The following RHOQ variants were observed in gnomAD, a reference collection of about 807,000 sequenced individuals.
The protein encoded by RHOQ is ras homolog family member Q.
Under a neutral mutation model 25.8 loss-of-function variants are expected in RHOQ, and 7 were observed. The ratio of observed to expected loss-of-function variants is 0.27; its 90% CI spans 0.15 to 0.51. RHOQ has a LOEUF of 0.51. Ranked by LOEUF, RHOQ falls within the 20% of genes least tolerant of loss-of-function variation. RHOQ has a pLI of 0.97. For missense variants in RHOQ, 165 were observed against 260.6 expected (o/e 0.63, Z 2.53); for synonymous variants, 97 against 98.6 (o/e 0.98, Z 0.10).
chr2:46,571,711 T>C (rs1275824302), intron 2 of RHOQ, among the ~76,000 whole-genome samples: 1 of 152,260 alleles, frequency 6.6e-6, no homozygotes, highest in Non-Finnish European at 1.5e-5. Context: ...CAGAGGGCTA[T>C]AGTCTCAATA....
intron 2 of RHOQ, among the ~76,000 whole-genome samples, chr2:46,553,651 G>A (rs1668313009): frequency 6.6e-6 from 1 of 151,996 alleles, no homozygotes; most frequent in Non-Finnish European, 1.5e-5. Flanking sequence ...CACGGTCTTG[G>A]CTCACTCAAC....
rs1431619851 is a variant in RHOQ, at chr2:46,581,702, T to A, written c.*619T>A. 33 of 1,434,120 alleles carry A rather than the reference T, an allele frequency of 2.3e-5. No individual in the cohort carries two copies. The highest frequency in any genetic ancestry group is 2.8e-5 in the Non-Finnish European group (30 of 1,073,760). The allele number at this position is 1,434,120 out of a possible 1,614,324, so 88.8% of individuals were successfully genotyped here. A position where few individuals can be genotyped will look rare whatever the true frequency, so the allele number is the denominator to read the frequency against. On this transcript the variant is annotated 3_prime_UTR_variant, in exon 5 of 5. Coordinates refer to ENST00000238738, the MANE Select transcript of RHOQ (RefSeq NM_012249.4). The stretch of plus-strand genomic sequence containing the variant: ...AAGCTTAATGTGCTTTCTTAAAGAA[T>A]GCCAAAAGTGTAATAAGGTCATAAC...
At chr2:46,562,981 G>C (rs931277644) in intron 2 of RHOQ, among the ~76,000 whole-genome samples, 1 of 152,220 alleles carries the variant, frequency 6.6e-6, no homozygotes, top group Non-Finnish European at 1.5e-5. Flanking sequence ...TTAGCAGCCA[G>C]CACATGTGTT....
intron 2 of RHOQ, among the ~76,000 whole-genome samples, chr2:46,567,398 T>C (rs1385253316): frequency 3.3e-5 from 5 of 151,888 alleles, no homozygotes; most frequent in Non-Finnish European, 7.4e-5. Context: ...TTTTCTTCTT[T>C]TTTTTTTTTC....
chr2:46,572,757 T>C (rs1344748822), intron 2 of RHOQ: 4 of 454,172 alleles, frequency 8.8e-6, no homozygotes, highest in Middle Eastern at 3.3e-4. Context: ...CTGTGAGAAG[T>C]TGTGACTTTG....
At chr2:46,575,444 A>G (rs1010889750) in intron 2 of RHOQ, among the ~76,000 whole-genome samples, 1 of 122,142 alleles carries the variant, frequency 8.2e-6, no homozygotes, top group Non-Finnish European at 1.9e-5. Flanking sequence ...CACACACACA[A>G]TTAATAAAAC....
chr2:46,561,102 A>ATG (rs3053626), intron 2 of RHOQ, among the ~76,000 whole-genome samples: 8,103 of 150,922 alleles, frequency 0.054, 292 homozygotes, highest in Middle Eastern at 0.11. Context: ...ATATACAGGT[A>ATG]TGTGTGTGTG....
At chr2:46,575,885 CA>C (rs1157349506) in intron 2 of RHOQ, among the ~76,000 whole-genome samples, 1 of 152,036 alleles carries the variant, frequency 6.6e-6, no homozygotes, top group African/African-American at 2.4e-5. Flanking sequence ...ATGATATTGT[CA>C]TTTTTTTTTA....
At position 46,548,851 on chromosome 2, in the gene RHOQ, T is replaced by C. The variant is rs1246545058; in HGVS notation, c.201+5039T>C. Among the ~76,000 whole-genome samples the C allele has an allele frequency of 6.6e-6, 1 of 152,244 alleles. No homozygotes were observed. The highest frequency in any genetic ancestry group is 1.5e-5 in the Non-Finnish European group (1 of 68,038). ...TCACACGGGAATGCTGGTTTCCTCCTCTGCGTTGGGAAGGTGGATAGCCTT... is the reference window on the plus strand; with the variant it reads ...TCACACGGGAATGCTGGTTTCCTCCCCTGCGTTGGGAAGGTGGATAGCCTT... On this transcript the variant is annotated intron_variant, in intron 2 of 4. Transcript: ENST00000238738. This position sits in a 1 kb window ranked among gnomAD's most constrained non-coding sequence, Gnocchi z 5.2.
At chr2:46,575,330 G>A (rs1300613921) in intron 2 of RHOQ, among the ~76,000 whole-genome samples, 1 of 151,838 alleles carries the variant, frequency 6.6e-6, no homozygotes, top group African/African-American at 2.4e-5. Flanking sequence ...ATATTAAGTA[G>A]AGGGAATGAA....
chr2:46,554,200 T>G (rs1233621470), intron 2 of RHOQ, among the ~76,000 whole-genome samples: 1 of 152,114 alleles, frequency 6.6e-6, no homozygotes, highest in Non-Finnish European at 1.5e-5. Flanking sequence ...TTCTAGTTCT[T>G]TACACATGGT....
chr2:46,559,555 T>TG (rs879476802), intron 2 of RHOQ, among the ~76,000 whole-genome samples: 2 of 152,098 alleles, frequency 1.3e-5, no homozygotes, highest in Non-Finnish European at 2.9e-5. Flanking sequence ...TTGTTTGTTG[T>TG]GGGGGGGCTG....
chr2:46,543,509 G>A (rs1667916336), intron 1 of RHOQ: 1 of 601,810 alleles, frequency 1.7e-6, no homozygotes, highest in Non-Finnish European at 3.0e-6. Context: ...TATTCGAGGG[G>A]ACCGAGCGAG....
chr2:46,554,950 C>A (rs1471352183), intron 2 of RHOQ, among the ~76,000 whole-genome samples: 1 of 152,148 alleles, frequency 6.6e-6, no homozygotes, highest in East Asian at 1.9e-4. Flanking sequence ...ATTAAAATTC[C>A]ATTTAATCCA....
At chr2:46,572,264 A>G (rs1388955896) in intron 2 of RHOQ, among the ~76,000 whole-genome samples, 1 of 151,618 alleles carries the variant, frequency 6.6e-6, no homozygotes, top group East Asian at 1.9e-4. Context: ...CACCATGCCC[A>G]GCTAATTTTT....
Position 46,565,023 on chromosome 2 carries a change from G to C in RHOQ, c.202-11064G>C, listed in dbSNP as rs552824284. Among the ~76,000 whole-genome samples the C allele has an allele frequency of 3.3e-5, 5 of 152,348 alleles. No individual in the cohort carries two copies. In the South Asian group the frequency reaches 8.3e-4, roughly 25 times the overall value. The stretch of plus-strand genomic sequence containing the variant: ...GAGTGGCAAATCCTTTTATAGTGTG[G>C]AGGAGAGGAGGTGGGGAGCAGCTGC... On this transcript the variant is annotated intron_variant, in intron 2 of 4. Coordinates refer to ENST00000238738, the MANE Select transcript of RHOQ (RefSeq NM_012249.4).
At chr2:46,553,714 G>A (rs929023100) in intron 2 of RHOQ, among the ~76,000 whole-genome samples, 5 of 151,708 alleles carry the variant, frequency 3.3e-5, no homozygotes, top group African/African-American at 1.2e-4. Flanking sequence ...CAAGTAGCTG[G>A]GACTACAGGT....
At position 46,566,485 on chromosome 2, in the gene RHOQ, T is replaced by G. The variant is rs1558688876; in HGVS notation, c.202-9602T>G. Reference sequence around the variant, plus strand: ...ATCCACCATTTCTCTAGCTGTCAACTGCTGTCCCTTAGTCTAAGCTTCCAT... The same window carrying G: ...ATCCACCATTTCTCTAGCTGTCAACGGCTGTCCCTTAGTCTAAGCTTCCAT... On this transcript the variant is annotated intron_variant, in intron 2 of 4. Transcript: ENST00000238738. The surrounding 1 kb of genome is among the most constrained non-coding windows in gnomAD (Gnocchi z 4.2). 2.6e-5 allele frequency among the ~76,000 whole-genome samples: 4 copies of G among 152,240 alleles called. No homozygotes were observed. Among genetic ancestry groups the G allele is most frequent in the Admixed American group, 2.6e-4 (4 of 15,286 alleles).
rs1424962296 is a variant in RHOQ at position 46,582,826 on chromosome 2, T to A, written c.*1743T>A. On this transcript the variant is annotated 3_prime_UTR_variant, in exon 5 of 5. Transcript: ENST00000238738. Reference sequence around the variant, plus strand: ...GTAGAGATTTTTAAAAATATAAGCATCACCTTCCCATTGAAGAGTGGAGAG... The same window carrying A: ...GTAGAGATTTTTAAAAATATAAGCAACACCTTCCCATTGAAGAGTGGAGAG... 2 of 152,616 alleles carry A rather than the reference T, an allele frequency of 1.3e-5. No homozygotes were observed. Among genetic ancestry groups the A allele is most frequent in the Admixed American group, 6.5e-5 (1 of 15,272 alleles). The allele number at this position is 152,616 out of a possible 1,614,324, so 9.5% of individuals were successfully genotyped here. A position where few individuals can be genotyped will look rare whatever the true frequency, so the allele number is the denominator to read the frequency against.
Sources: allele counts gnomAD v4.1 joint callset (sites outside exome capture counted in the v4.1 genomes callset), GRCh38; gene constraint gnomAD v4.1.1; non-coding constraint Gnocchi (gnomAD v3.1); transcripts MANE v1.5; gene names NCBI Gene and HGNC (gene_info 2026-07-23, HGNC 2026-07-21).